The following PACRG variants were observed in gnomAD, a reference collection of about 807,000 sequenced individuals.
The protein encoded by PACRG is parkin coregulated, also known as parkin coregulated gene protein.
Under a neutral mutation model 29.7 loss-of-function variants are expected in PACRG, and 29 were observed. The ratio of observed to expected loss-of-function variants is 0.98; its 90% confidence interval spans 0.73 to 1.33. The LOEUF (loss-of-function observed/expected upper bound fraction) is 1.33, where lower values mean the gene tolerates loss of function less well. Among genes scored for constraint, PACRG ranks in the 40% most tolerant of loss-of-function variants. PACRG has a pLI of 0.00. For synonymous variants in PACRG, 116 were observed against 118.7 expected (o/e 0.98, Z 0.15); for missense variants, 279 against 316.2 (o/e 0.88, Z 0.89).
chr6:162,998,512 A>C (rs1804289355), intron 2 of PACRG, among the ~76,000 whole-genome samples: 1 of 152,254 alleles, frequency 6.6e-6, no homozygotes, highest in Non-Finnish European at 1.5e-5. Flanking sequence ...AGTTGCTTGT[A>C]AACTACTCAG....
intron 4 of PACRG, among the ~76,000 whole-genome samples, chr6:163,120,862 G>C (rs113503338): frequency 2.0e-5 from 3 of 152,090 alleles, no homozygotes; most frequent in African/African-American, 7.2e-5. Flanking sequence ...CCCATGCCTG[G>C]CCTCATTCCT....
chr6:162,751,624 A>G (rs1781521763), intron 1 of PACRG, among the ~76,000 whole-genome samples: 1 of 152,144 alleles, frequency 6.6e-6, no homozygotes, highest in Admixed American at 6.6e-5. Flanking sequence ...GATATAGGCT[A>G]ATTTCAAATT....
chr6:163,128,064 T>G (rs1424995000), intron 4 of PACRG, among the ~76,000 whole-genome samples: 1 of 152,198 alleles, frequency 6.6e-6, no homozygotes, highest in Non-Finnish European at 1.5e-5. Context: ...AAATTTAAAG[T>G]GTAATTGTTT....
At chr6:163,163,561 C>T (rs890602629) in intron 4 of PACRG, among the ~76,000 whole-genome samples, 2 of 152,186 alleles carry the variant, frequency 1.3e-5, no homozygotes, top group East Asian at 1.9e-4. Flanking sequence ...CGTGAGCCAC[C>T]GTACCCGGCC....
At chr6:163,066,526 G>A (rs1464053605) in intron 3 of PACRG, among the ~76,000 whole-genome samples, 1 of 152,166 alleles carries the variant, frequency 6.6e-6, no homozygotes, top group Admixed American at 6.5e-5. Context: ...CACATGAAGT[G>A]TTGAATCATA....
At chr6:162,763,812 A>G (rs2128294268) in intron 1 of PACRG, among the ~76,000 whole-genome samples, 1 of 152,330 alleles carries the variant, frequency 6.6e-6, no homozygotes, top group African/African-American at 2.4e-5. Context: ...ATTAACCTTC[A>G]GTCGGCCATG....
chr6:163,084,834 A>G (rs555863916), intron 3 of PACRG, among the ~76,000 whole-genome samples: 5 of 148,614 alleles, frequency 3.4e-5, no homozygotes, highest in Non-Finnish European at 7.4e-5. Flanking sequence ...CATATATCTC[A>G]TATATACATA....
intron 4 of PACRG, among the ~76,000 whole-genome samples, chr6:163,297,737 G>A (rs1279397651): frequency 6.6e-6 from 1 of 151,026 alleles, no homozygotes; most frequent in Non-Finnish European, 1.5e-5. Flanking sequence ...TCCAACTTAA[G>A]ACACTTTGTA....
At chr6:162,924,676 ATTTAAT>A (rs1226100164) in intron 2 of PACRG, among the ~76,000 whole-genome samples, 1 of 151,882 alleles carries the variant, frequency 6.6e-6, no homozygotes, top group African/African-American at 2.4e-5. Flanking sequence ...CATTCTGTTG[ATTTAAT>A]ATATCACATT....
At chr6:163,161,391 G>A (rs766256905) in intron 4 of PACRG, among the ~76,000 whole-genome samples, 3 of 152,098 alleles carry the variant, frequency 2.0e-5, no homozygotes, top group Non-Finnish European at 4.4e-5. Flanking sequence ...TTGGTTTACT[G>A]TGTAATGTGA....
chr6:163,175,436 G>A lies in PACRG; in HGVS notation c.613+86028G>A, dbSNP rs117063650. Among the ~76,000 whole-genome samples the A allele has an allele frequency of 5.5e-3, 839 of 151,618 alleles. 7 individuals carry two copies. The highest frequency in any genetic ancestry group is 0.01 in the Middle Eastern group (3 of 290). ...CGGGGGAGTGGGACCTGTGAAGGCT[G>A]GGGGGAGTGGTTAAAGGACATCACT... On this transcript the variant is annotated intron_variant, in intron 4 of 4. Coordinates refer to ENST00000366888, the MANE Select transcript of PACRG (RefSeq NM_001080379.2).
chr6:162,927,184 A>T (rs1353829126), intron 2 of PACRG, among the ~76,000 whole-genome samples: 1 of 152,138 alleles, frequency 6.6e-6, no homozygotes, highest in Non-Finnish European at 1.5e-5. Context: ...AGAAATAGAA[A>T]CACTTTTATA....
chr6:162,943,465 C>T (rs577300718), intron 2 of PACRG, among the ~76,000 whole-genome samples: 112 of 152,278 alleles, frequency 7.4e-4, no homozygotes, highest in African/African-American at 2.6e-3. Flanking sequence ...GCACACTCCC[C>T]AGCTGCCTGC....
intron 1 of PACRG, among the ~76,000 whole-genome samples, chr6:162,771,868 G>C (rs1024283740): frequency 2.0e-5 from 3 of 151,894 alleles, no homozygotes; most frequent in African/African-American, 7.2e-5. Flanking sequence ...TCGGATGGAG[G>C]TAAGTGGAGC....
intron 4 of PACRG, among the ~76,000 whole-genome samples, chr6:163,172,137 T>G (rs1779117913): frequency 6.6e-6 from 1 of 152,198 alleles, no homozygotes; most frequent in African/African-American, 2.4e-5. Context: ...TAAGCTGCAG[T>G]TATTATTTTA....
intron 4 of PACRG, among the ~76,000 whole-genome samples, chr6:163,235,338 GAC>G (rs1347735050): frequency 2.0e-5 from 3 of 152,280 alleles, no homozygotes; most frequent in African/African-American, 7.2e-5. Context: ...ATCTTCTGGA[GAC>G]ACAGGCTCCA....
chr6:162,816,644 G>T (rs9356064), intron 2 of PACRG, among the ~76,000 whole-genome samples: 1 of 152,094 alleles, frequency 6.6e-6, no homozygotes, highest in Non-Finnish European at 1.5e-5. Flanking sequence ...GAGCCACCGC[G>T]CCCAGCCAAG....
intron 4 of PACRG, among the ~76,000 whole-genome samples, chr6:163,272,554 C>T (rs1277791847): frequency 6.6e-6 from 1 of 152,096 alleles, no homozygotes; most frequent in Non-Finnish European, 1.5e-5. Context: ...TGTAATAGCA[C>T]TGACTGTTTT....
At chr6:162,963,176 G>C (rs951794860) in intron 2 of PACRG, among the ~76,000 whole-genome samples, 1 of 152,162 alleles carries the variant, frequency 6.6e-6, no homozygotes, top group Admixed American at 6.6e-5. Flanking sequence ...TGTTTGGGCA[G>C]GTGAAGGCAG....
Sources: gnomAD v4.1 joint callset for allele counts (sites outside exome capture counted in the v4.1 genomes callset) on GRCh38, gnomAD v4.1.1 for gene constraint, MANE v1.5 for transcripts, NCBI Gene and HGNC (gene_info 2026-07-23, HGNC 2026-07-21) for gene names.